PLG: variants seen among roughly 807,000 people sequenced by gnomAD.
PLG encodes plasmin.
PLG carries 41 observed loss-of-function variants against 104.4 expected under a neutral mutation model. That is an observed-to-expected ratio of 0.39 (90% confidence interval 0.31 to 0.51). The LOEUF (loss-of-function observed/expected upper bound fraction) is 0.51. Among genes scored for constraint, PLG ranks in the 20% least tolerant of loss-of-function variants. The probability of loss-of-function intolerance (pLI) is 0.76; values close to 1 mark genes in which losing one functional copy is unlikely to be tolerated. For missense variants in PLG, 891 were observed against 1,003.6 expected (o/e 0.89, Z 1.52); for synonymous variants, 337 against 357.1 (o/e 0.94, Z 0.63).
chr6:160,738,481 A>G lies in PLG; in HGVS notation c.1803-57A>G. The G allele has an allele frequency of 9.6e-7, 1 of 1,041,612 alleles. No individual in the cohort carries two copies. Among genetic ancestry groups the G allele is most frequent in the Admixed American group, 1.7e-5 (1 of 59,310 alleles). 64.5% of individuals were successfully genotyped at this position (1,041,612 alleles called of 1,614,324 possible). On this transcript the variant is annotated intron_variant, in intron 14 of 18. Coordinates refer to ENST00000308192, the MANE Select transcript of PLG (RefSeq NM_000301.5). The surrounding 1 kb of genome is among the most constrained non-coding windows in gnomAD (Gnocchi z 6.8). ...AACGTGTCTTTCTGGCTTTCTGTAC[A>G]ATGGAGCAGAACAAAGTATCAATTT... is the stretch of plus-strand genomic sequence containing the variant.
rs776104329 is a variant in PLG at position 160,731,026 on chromosome 6, A to T, written c.1257-25A>T. ...CCTGAATATTCTCCCACCTCTTGTG[A>T]CCTGTATTGTTTTGGAATTTCCAGT... On this transcript the variant is annotated intron_variant, in intron 10 of 18. Coordinates refer to ENST00000308192, the MANE Select transcript of PLG (RefSeq NM_000301.5). This position sits in a 1 kb window ranked among gnomAD's most constrained non-coding sequence, Gnocchi z 5.1. 10 of 1,611,068 alleles carry T rather than the reference A, an allele frequency of 6.2e-6. No homozygotes were observed. In the Admixed American group the frequency reaches 1.5e-4, roughly 24 times the overall value.
At chr6:160,742,739 G>T (rs922448973) in intron 17 of PLG, among the ~76,000 whole-genome samples, 1 of 152,048 alleles carries the variant, frequency 6.6e-6, no homozygotes, top group South Asian at 2.1e-4. Flanking sequence ...TGTCCAGGAT[G>T]GTGTTACCTA....
Position 160,719,040 on chromosome 6 carries a change from T to C in PLG, c.1096+202T>C, listed in dbSNP as rs1243330860. Among the ~76,000 whole-genome samples, 1 of 152,240 alleles carries C rather than the reference T, an allele frequency of 6.6e-6. No individual in the cohort carries two copies. Among genetic ancestry groups the C allele is most frequent in the Non-Finnish European group, 1.5e-5 (1 of 68,032 alleles). On this transcript the variant is annotated intron_variant, in intron 9 of 18. Transcript: ENST00000308192. This position sits in a 1 kb window ranked among gnomAD's most constrained non-coding sequence, Gnocchi z 4.1. ...TATAGCCATCTTGGTGAATGTTTCA[T>C]GTGCTCTTGAAAAGAATGTGTCTTC... is the stretch of plus-strand genomic sequence containing the variant.
At chr6:160,743,514 C>G (rs911907898) in intron 17 of PLG, among the ~76,000 whole-genome samples, 5 of 152,106 alleles carry the variant, frequency 3.3e-5, no homozygotes, top group African/African-American at 1.2e-4. Flanking sequence ...GATTTTATAT[C>G]CTGAAACTTT....
At chr6:160,704,174 A>G (rs1777476125) in intron 1 of PLG, among the ~76,000 whole-genome samples, 1 of 152,246 alleles carries the variant, frequency 6.6e-6, no homozygotes, top group Non-Finnish European at 1.5e-5. Flanking sequence ...CTTGCCAGCA[A>G]ATAAGCCCTA....
rs367678108 is a variant in PLG, at chr6:160,718,178, G to A, written c.788-116G>A. ...GAGGCAGGAGAATGACTTGAACCCA[G>A]GAGGCAGAGGTTGCAGTGAGCTGAG... On this transcript the variant is annotated intron_variant, in intron 7 of 18. Coordinates refer to ENST00000308192, the MANE Select transcript of PLG (RefSeq NM_000301.5). 3.0e-4 allele frequency: 253 copies of A among 852,994 alleles called. 3 individuals carry two copies. The African/African-American group carries it at 3.6e-3, about 12-fold the overall frequency. 52.8% of individuals were successfully genotyped at this position (852,994 alleles called of 1,614,324 possible).
intron 17 of PLG, among the ~76,000 whole-genome samples, chr6:160,748,108 G>A (rs142361332): frequency 6.6e-6 from 1 of 150,620 alleles, no homozygotes; most frequent in South Asian, 2.1e-4. Context: ...AGCTTGAGAC[G>A]AGCCTGACCA....
chr6:160,727,317 A>G (rs1332861267), intron 10 of PLG, among the ~76,000 whole-genome samples: 1 of 151,742 alleles, frequency 6.6e-6, no homozygotes, highest in Non-Finnish European at 1.5e-5. Context: ...TAATAAATCA[A>G]TAAACTTCCC....
chr6:160,716,707 G>C lies in PLG; in HGVS notation c.731G>C (p.Trp244Ser). ...CRNPDRELRP[W>S]CFTTDPNKRW... ...AACCCCGATAGGGAGCTGCGGCCTTGGTGTTTCACCACCGACCCCAACAAG... is the reference window on the plus strand; with the variant it reads ...AACCCCGATAGGGAGCTGCGGCCTTCGTGTTTCACCACCGACCCCAACAAG... Residue 244 changes from tryptophan to serine, a missense_variant, in exon 7 of 19, where the codon TGG becomes TCG. Transcript: ENST00000308192. The C allele has an allele frequency of 6.2e-7, 1 of 1,613,790 alleles. No homozygotes were observed. The highest frequency in any genetic ancestry group is 8.5e-7 in the Non-Finnish European group (1 of 1,179,700).
At chr6:160,715,040 G>A (rs1402609287) in intron 6 of PLG, 126 bp downstream of exon 6, 1 of 930,998 alleles carries the variant, frequency 1.1e-6, no homozygotes, top group African/African-American at 1.6e-5. Flanking sequence ...TAATTTCAAA[G>A]CTAACCTCCT....
chr6:160,702,382 A>G, intron 1 of PLG, 29 bp downstream of exon 1: 4 of 1,479,904 alleles, frequency 2.7e-6, no homozygotes, highest in African/African-American at 1.4e-5. Flanking sequence ...AAATTATAAG[A>G]ATTATTTTTT....
intron 17 of PLG, among the ~76,000 whole-genome samples, chr6:160,743,259 CAT>C (rs1778225034): frequency 6.6e-6 from 1 of 152,090 alleles, no homozygotes. Flanking sequence ...GCAGTATGGC[CAT>C]TTTAATGATA....
intron 17 of PLG, among the ~76,000 whole-genome samples, chr6:160,746,121 G>A (rs1778273333): frequency 6.6e-6 from 1 of 152,136 alleles, no homozygotes; most frequent in Non-Finnish European, 1.5e-5. Context: ...TGATCTTCTT[G>A]TATAGAATCT....
chr6:160,746,757 G>T lies in PLG; in HGVS notation c.2125+5340G>T, dbSNP rs141896893. On this transcript the variant is annotated intron_variant, in intron 17 of 18. Coordinates refer to ENST00000308192, the MANE Select transcript of PLG (RefSeq NM_000301.5). ...CAGTGTAGGTTGAATACAGCCAATAGACTTGTTCTTTGGATGTTTTTACAG... is the reference window on the plus strand; with the variant it reads ...CAGTGTAGGTTGAATACAGCCAATATACTTGTTCTTTGGATGTTTTTACAG... Among the ~76,000 whole-genome samples the T allele has an allele frequency of 3.5e-3, 538 of 152,326 alleles. 2 individuals carry two copies. Among genetic ancestry groups the T allele is most frequent in the Non-Finnish European group, 5.8e-3 (392 of 68,036 alleles).
rs1001998504 is a variant in PLG at position 160,713,966 on chromosome 6, G to A, written c.548-828G>A. ...GAATAAATAAAGGTGAGATTTGTGT[G>A]ACAGTGTGGATATGGTACTGTGTGA... On this transcript the variant is annotated intron_variant, in intron 5 of 18. Coordinates refer to ENST00000308192, the MANE Select transcript of PLG (RefSeq NM_000301.5). Among the ~76,000 whole-genome samples, 7 of 152,208 alleles carry A rather than the reference G, an allele frequency of 4.6e-5. 1 individual carries two copies. The highest frequency in any genetic ancestry group is 1.2e-4 in the African/African-American group (5 of 41,444).
chr6:160,705,394 T>A (rs1368598764), intron 1 of PLG: 1 of 152,194 alleles, frequency 6.6e-6, no homozygotes, highest in East Asian at 1.9e-4. Flanking sequence ...GTCTCAGATT[T>A]GATCTCAAAG....
In PLG at chr6:160,739,212, C is replaced by G. The variant is rs780949446; in HGVS notation, c.2018+4C>G. 6.2e-7 allele frequency: 1 copy of G among 1,614,138 alleles called. No homozygotes were observed. The highest frequency in any genetic ancestry group is 8.5e-7 in the Non-Finnish European group (1 of 1,179,996). On this transcript the variant is annotated splice_donor_region_variant and intron_variant, in intron 16 of 18. Coordinates refer to ENST00000308192, the MANE Select transcript of PLG (RefSeq NM_000301.5). The surrounding 1 kb of genome is among the most constrained non-coding windows in gnomAD (Gnocchi z 4.4). Reference sequence around the variant, plus strand: ...TTGCCTTGCTAAAGCTAAGCAGGTACTCGTTCACCTGTGGTCTTCACCCCA... The same window carrying G: ...TTGCCTTGCTAAAGCTAAGCAGGTAGTCGTTCACCTGTGGTCTTCACCCCA...
At chr6:160,712,905 C>T (rs1277964366) in intron 4 of PLG, 81 bp from the exon 5 acceptor site, 29 of 1,020,720 alleles carry the variant, frequency 2.8e-5, no homozygotes, top group South Asian at 1.9e-4. Context: ...AGATGGGAAT[C>T]GAGAGCATCT....
rs1303918420 is a variant in PLG at position 160,706,482 on chromosome 6, G to C, written c.125G>C (p.Gly42Ala). The C allele has an allele frequency of 2.5e-6, 4 of 1,613,876 alleles. No individual in the cohort carries two copies. The South Asian group carries it at 3.3e-5, about 13-fold the overall frequency. ...SLFSVTKKQL[G>A]AGSIEECAAK... ...TTCAGTGTCACTAAGAAGCAGCTGG[G>C]AGCAGGAAGTATAGAAGAATGTGCA... Residue 42 changes from glycine (G) to alanine (A), a missense_variant, in exon 2 of 19, where the codon GGA becomes GCA. Transcript: ENST00000308192.
Sources: allele counts gnomAD v4.1 joint callset (sites outside exome capture counted in the v4.1 genomes callset), GRCh38; gene constraint gnomAD v4.1.1; non-coding constraint Gnocchi (gnomAD v3.1); transcripts MANE v1.5; gene names NCBI Gene and HGNC (gene_info 2026-07-23, HGNC 2026-07-21).